The following ABCC11 variants were observed in gnomAD, a reference collection of about 807,000 sequenced individuals.
ABCC11 encodes the protein ATP binding cassette subfamily C member 11.
In ABCC11, 135 loss-of-function variants were observed where a neutral mutation model predicts 149.3. That is an observed-to-expected ratio of 0.90 (90% CI 0.79 to 1.04). The LOEUF (loss-of-function observed/expected upper bound fraction) is 1.04, where lower values mean the gene tolerates loss of function less well. ABCC11 is among the 50% of genes least tolerant of loss of function. ABCC11 has a pLI of 0.00. For synonymous variants in ABCC11, 665 were observed against 671.4 expected (o/e 0.99, Z 0.15); for missense variants, 1,680 against 1,722.1 (o/e 0.98, Z 0.43).
chr16:48,197,793 A>G (rs949137225), intron 17 of ABCC11, among the ~76,000 whole-genome samples, 178 bp downstream of exon 17: 5 of 152,080 alleles, frequency 3.3e-5, no homozygotes, highest in African/African-American at 1.2e-4. Context: ...CCTCCTGCCC[A>G]TCAGTCTACA....
chr16:48,193,140 C>T (rs1377468076), intron 19 of ABCC11, among the ~76,000 whole-genome samples: 1 of 152,180 alleles, frequency 6.6e-6, no homozygotes, highest in East Asian at 1.9e-4. Context: ...TTTCCAGAGG[C>T]TGGAAGGCAT....
Position 48,192,689 on chromosome 16 carries a change from G to T in ABCC11, c.2537C>A (p.Thr846Asn). 6.2e-7 allele frequency: 1 copy of T among 1,614,198 alleles called. No individual in the cohort carries two copies. ...GTNSSRESNG[T>N]MADLGNIADN... is the part of the protein sequence containing the mutation. The stretch of plus-strand genomic sequence containing the variant: ...TGCAATGTTGCCCAGGTCTGCCATG[G>T]TTCCATTGCTCTCTCGGCTGCTATT... The change falls in exon 20 of 30, where the codon ACC becomes AAC. Residue 846 changes from threonine to asparagine, a missense_variant. Coordinates refer to ENST00000356608, the MANE Select transcript of ABCC11 (RefSeq NM_001370497.1).
chr16:48,186,910 C>T (rs1966779206), intron 22 of ABCC11, 43 bp downstream of exon 22: 1 of 1,610,610 alleles, frequency 6.2e-7, no homozygotes, highest in South Asian at 1.1e-5. Flanking sequence ...TCCCCACCAC[C>T]CCTGTGGTTC....
intron 10 of ABCC11, among the ~76,000 whole-genome samples, chr16:48,213,164 G>T (rs1235237769): frequency 6.6e-6 from 1 of 152,202 alleles, no homozygotes; most frequent in Non-Finnish European, 1.5e-5. Context: ...CTATCTATTG[G>T]GGTAACTCTA....
In ABCC11 at chr16:48,216,297, A is replaced by G; in HGVS notation, c.778-10T>C. The G allele has an allele frequency of 6.2e-7, 1 of 1,611,534 alleles. No individual in the cohort carries two copies. The highest frequency in any genetic ancestry group is 1.1e-5 in the South Asian group (1 of 90,914). On this transcript the variant is annotated splice_polypyrimidine_tract_variant and intron_variant, in intron 6 of 29. Coordinates refer to ENST00000356608, the MANE Select transcript of ABCC11 (RefSeq NM_001370497.1). ...TGAAGAAGCTGATGGCCTGCAAGAC[A>G]GCAAGTTGATGGGCACAGATGTCAC...
chr16:48,194,443 G>A (rs915659471), intron 18 of ABCC11, among the ~76,000 whole-genome samples: 1 of 152,212 alleles, frequency 6.6e-6, no homozygotes, highest in Non-Finnish European at 1.5e-5. Context: ...CTACATGCCA[G>A]GAATAGTACC....
At chr16:48,242,832 T>C (rs1971048422) in intron 1 of ABCC11, among the ~76,000 whole-genome samples, 1 of 151,442 alleles carries the variant, frequency 6.6e-6, no homozygotes, top group African/African-American at 2.4e-5. Context: ...CACTCATAGG[T>C]GGCAACTGAA....
chr16:48,168,514 T>C (rs1006638322), intron 28 of ABCC11, among the ~76,000 whole-genome samples: 1 of 152,198 alleles, frequency 6.6e-6, no homozygotes, highest in Non-Finnish European at 1.5e-5. Flanking sequence ...TGCATACATG[T>C]GTGAGTATGG....
At chr16:48,243,196 T>C (rs889657008) in intron 1 of ABCC11, among the ~76,000 whole-genome samples, 1 of 150,888 alleles carries the variant, frequency 6.6e-6, no homozygotes, top group Non-Finnish European at 1.5e-5. Flanking sequence ...GGTCAGGAGA[T>C]TGAGACCATC....
At chr16:48,205,837 G>A (rs1968397676) in intron 12 of ABCC11, among the ~76,000 whole-genome samples, 1 of 149,190 alleles carries the variant, frequency 6.7e-6, no homozygotes, top group African/African-American at 2.5e-5. Context: ...TTGAGACGGA[G>A]TCTCGCTCTG....
At position 48,211,207 on chromosome 16, in the gene ABCC11, G is replaced by A. The variant is rs1487204091; in HGVS notation, c.1357-8C>T. The stretch of plus-strand genomic sequence containing the variant: ...CTCCTGGAGGAAAAACTTCTGTAAA[G>A]ACAGAAAAAAATAGAGGGAGGAGGA... On this transcript the variant is annotated splice_polypyrimidine_tract_variant and splice_region_variant and intron_variant, in intron 10 of 29. Transcript: ENST00000356608. 3.1e-6 allele frequency: 5 copies of A among 1,607,648 alleles called. No homozygotes were observed. The highest frequency in any genetic ancestry group is 2.2e-5 in the East Asian group (1 of 44,844).
In ABCC11 at chr16:48,230,423, C is replaced by A; in HGVS notation, c.236+14G>T. ...TGGATACAGCTCTCTCCCACCACCC[C>A]CATCAGGACTCACCTCGGCTTGGGA... is the stretch of plus-strand genomic sequence containing the variant. On this transcript the variant is annotated intron_variant, in intron 3 of 29. Transcript: ENST00000356608. The A allele has an allele frequency of 4.4e-6, 7 of 1,583,596 alleles. No homozygotes were observed. The highest frequency in any genetic ancestry group is 5.1e-6 in the Non-Finnish European group (6 of 1,165,532).
rs1965356245 is a variant in ABCC11, at chr16:48,166,742, G to A, written c.*532C>T. On this transcript the variant is annotated 3_prime_UTR_variant, in exon 30 of 30. Coordinates refer to ENST00000356608, the MANE Select transcript of ABCC11 (RefSeq NM_001370497.1). Reference sequence around the variant, plus strand: ...TAGCCAGTCATGGTGGCACATGCTTGTAATCCTAGCTATTCAGGAGGCTGA... The same window carrying A: ...TAGCCAGTCATGGTGGCACATGCTTATAATCCTAGCTATTCAGGAGGCTGA... Among the ~76,000 whole-genome samples, 1 of 152,206 alleles carries A rather than the reference G, an allele frequency of 6.6e-6. No individual in the cohort carries two copies. The highest frequency in any genetic ancestry group is 2.1e-4 in the South Asian group (1 of 4,836).
At chr16:48,198,102 G>C (rs527607432) in intron 16 of ABCC11, 35 bp from the exon 17 acceptor site, 1 of 1,614,170 alleles carries the variant, frequency 6.2e-7, no homozygotes, top group Non-Finnish European at 8.5e-7. Flanking sequence ...GTACACGTGC[G>C]TCCACCGTGG....
intron 11 of ABCC11, chr16:48,210,309 G>A (rs1464477138): frequency 6.6e-6 from 1 of 152,132 alleles, no homozygotes; most frequent in Non-Finnish European, 1.5e-5. Flanking sequence ...AAACCGCAGG[G>A]CTAGAGATGA....
intron 1 of ABCC11, among the ~76,000 whole-genome samples, chr16:48,234,761 A>T (rs1277852304): frequency 1.3e-5 from 2 of 152,184 alleles, no homozygotes; most frequent in African/African-American, 4.8e-5. Context: ...GGGACAGGGG[A>T]GGCCTAGCAA....
Position 48,222,061 on chromosome 16 carries a change from T to C in ABCC11, c.777+537A>G, listed in dbSNP as rs540559055. On this transcript the variant is annotated intron_variant, in intron 6 of 29. Coordinates refer to ENST00000356608, the MANE Select transcript of ABCC11 (RefSeq NM_001370497.1). ...TCCTGAGTAGCTGGGTCTACAGGCA[T>C]GTACCACCAAGCCCAGCTAATTTTT... Among the ~76,000 whole-genome samples the C allele has an allele frequency of 3.3e-5, 5 of 151,278 alleles. No individual in the cohort carries two copies. In the East Asian group the frequency reaches 9.7e-4, roughly 29 times the overall value.
downstream of ABCC11, chr16:48,165,693 C>A (rs901429681): frequency 7.9e-5 from 12 of 152,194 alleles, no homozygotes; most frequent in African/African-American, 2.9e-4. Context: ...GTTTACTTAC[C>A]CTCACGAGAT....
Position 48,235,352 on chromosome 16 carries a change from C to T in ABCC11, c.-18-3413G>A, listed in dbSNP as rs111730853. On this transcript the variant is annotated intron_variant, in intron 1 of 29. Coordinates refer to ENST00000356608, the MANE Select transcript of ABCC11 (RefSeq NM_001370497.1). ...TTTGAAACCAGGGACCTTGTCTGTCCTGTTCACAAATGTGTCTTTGGATCT... is the reference window on the plus strand; with the variant it reads ...TTTGAAACCAGGGACCTTGTCTGTCTTGTTCACAAATGTGTCTTTGGATCT... Among the ~76,000 whole-genome samples, 1,007 of 152,320 alleles carry T rather than the reference C, an allele frequency of 6.6e-3. 12 individuals carry two copies. Among genetic ancestry groups the T allele is most frequent in the African/African-American group, 0.023 (958 of 41,564 alleles).
Sources: allele counts gnomAD v4.1 joint callset (sites outside exome capture counted in the v4.1 genomes callset), GRCh38; gene constraint gnomAD v4.1.1; transcripts MANE v1.5; gene names NCBI Gene and HGNC (gene_info 2026-07-23, HGNC 2026-07-21).